RDH16: variants seen among roughly 807,000 people sequenced by gnomAD.
The protein encoded by RDH16 is retinol dehydrogenase 16.
RDH16 carries 25 observed loss-of-function variants against 22.3 expected under a neutral mutation model. The observed-to-expected ratio is 1.12, with a 90% CI of 0.82 to 1.56. The LOEUF (loss-of-function observed/expected upper bound fraction) is 1.56. Among genes scored for constraint, RDH16 ranks in the 40% most tolerant of loss-of-function variants. RDH16 has a pLI of 0.00. For synonymous variants in RDH16, 154 were observed against 164.4 expected (o/e 0.94, Z 0.48); for missense variants, 413 against 394.9 (o/e 1.05, Z -0.39).
chr12:56,952,384 A>T, intron 3 of RDH16, 138 bp from the exon 4 acceptor site: 1 of 782,398 alleles, frequency 1.3e-6, no homozygotes. Flanking sequence ...AATCTCTTTT[A>T]TCCAAATTCC....
chr12:56,956,349 T>C (rs958624165), intron 1 of RDH16, among the ~76,000 whole-genome samples: 2 of 152,198 alleles, frequency 1.3e-5, no homozygotes, highest in African/African-American at 2.4e-5. Context: ...AAAACAGTCA[T>C]TATGGTGGAA....
chr12:56,951,644 CCA>C lies in RDH16; in HGVS notation c.*383_*384del. On this transcript the variant is annotated 3_prime_UTR_variant, in exon 4 of 4. Transcript: ENST00000398138. ...ACCCCGTGGGAGGGTGTAGACTGGC[CCA>C]GAATTAACACACAGCCTGATAAGGA... 4.1e-6 allele frequency: 1 copy of C among 244,094 alleles called. No individual in the cohort carries two copies. The allele number at this position is 244,094 out of a possible 1,614,324, so 15.1% of individuals were successfully genotyped here.
At chr12:56,955,866 TCTC>T (rs1955924221) in intron 1 of RDH16, among the ~76,000 whole-genome samples, 1 of 152,074 alleles carries the variant, frequency 6.6e-6, no homozygotes, top group Non-Finnish European at 1.5e-5. Flanking sequence ...AATGTCACCC[TCTC>T]CTCCTACTGC....
At chr12:56,952,742 C>A in intron 3 of RDH16, 85 bp downstream of exon 3, 1 of 1,496,964 alleles carries the variant, frequency 6.7e-7, no homozygotes, top group Non-Finnish European at 9.0e-7. Context: ...GGGGATCAAA[C>A]TCTAATGCCC....
intron 1 of RDH16, among the ~76,000 whole-genome samples, chr12:56,956,789 T>A (rs1955932233): frequency 6.6e-6 from 1 of 152,142 alleles, no homozygotes; most frequent in African/African-American, 2.4e-5. Context: ...CGTGCACACT[T>A]GCAGCCCTGT....
rs750841071 is a variant in RDH16, at chr12:56,951,828, G to A, written c.*201C>T. The A allele has an allele frequency of 5.6e-5, 33 of 594,354 alleles. 1 individual carries two copies. Among genetic ancestry groups the A allele is most frequent in the Middle Eastern group, 9.0e-4 (2 of 2,216 alleles). The allele number at this position is 594,354 out of a possible 1,614,324, so 36.8% of individuals were successfully genotyped here. On this transcript the variant is annotated 3_prime_UTR_variant, in exon 4 of 4. Coordinates refer to ENST00000398138, the MANE Select transcript of RDH16 (RefSeq NM_003708.5). ...TATTTGGTCCCTGTTTCTCAGCTGCGTAACTTGAAACTTTCCTACCAACAT... is the reference window on the plus strand; with the variant it reads ...TATTTGGTCCCTGTTTCTCAGCTGCATAACTTGAAACTTTCCTACCAACAT...
chr12:56,954,774 G>T, intron 2 of RDH16, 132 bp downstream of exon 2: 2 of 954,856 alleles, frequency 2.1e-6, no homozygotes, highest in African/African-American at 1.6e-5. Context: ...AGATGAGGGT[G>T]TCACACATGA....
In RDH16 at chr12:56,951,470, A is replaced by C. The variant is rs1165863372; in HGVS notation, c.*559T>G. The C allele has an allele frequency of 6.2e-6, 1 of 162,412 alleles. No homozygotes were observed. Among genetic ancestry groups the C allele is most frequent in the Admixed American group, 5.7e-5 (1 of 17,544 alleles). The allele number at this position is 162,412 out of a possible 1,614,324, so 10.1% of individuals were successfully genotyped here. On this transcript the variant is annotated 3_prime_UTR_variant, in exon 4 of 4. Transcript: ENST00000398138. The stretch of plus-strand genomic sequence containing the variant: ...AAAAACTGATTTATTTGTCCTCTGC[A>C]CAGATCCTTACTTAGGACACCACCT...
At chr12:56,956,562 T>C (rs1955930118) in intron 1 of RDH16, among the ~76,000 whole-genome samples, 2 of 152,242 alleles carry the variant, frequency 1.3e-5, no homozygotes, top group South Asian at 4.1e-4. Context: ...TGTTTCTTTC[T>C]TCCTCTATAA....
At chr12:56,953,954 C>T (rs1470707913) in intron 2 of RDH16, among the ~76,000 whole-genome samples, 1 of 152,148 alleles carries the variant, frequency 6.6e-6, no homozygotes, top group African/African-American at 2.4e-5. Flanking sequence ...GGATTTTTGG[C>T]CACTTGGACA....
chr12:56,955,279 G>T, intron 1 of RDH16, 115 bp from the exon 2 acceptor site: 1 of 1,279,406 alleles, frequency 7.8e-7, no homozygotes, highest in Non-Finnish European at 1.1e-6. Flanking sequence ...GTGTGGGATG[G>T]GGAGGAGGGT....
chr12:56,952,038 C>T lies in RDH16; in HGVS notation c.945G>A (p.Lys315=), dbSNP rs1337066665. 6.8e-6 allele frequency: 11 copies of T among 1,614,016 alleles called. No homozygotes were observed. Among genetic ancestry groups the T allele is most frequent in the Non-Finnish European group, 9.3e-6 (11 of 1,179,936 alleles). ...GCATCCAACCTTAGCTTCATAGAGC[C>T]TTGGCCGGGCTTGGAGAGACCCAGT... The part of the protein sequence containing the change: ...IMYWVSPSPA[K]AL Residue 315 remains lysine, a synonymous_variant, in exon 4 of 4, where the codon AAG becomes AAA. Transcript: ENST00000398138.
At chr12:56,953,186 T>G (rs1429400899) in intron 2 of RDH16, among the ~76,000 whole-genome samples, 196 bp from the exon 3 acceptor site, 1 of 152,210 alleles carries the variant, frequency 6.6e-6, no homozygotes, top group Admixed American at 6.5e-5. Context: ...TTCCATATTT[T>G]ACACACCTGA....
Position 56,952,012 on chromosome 12 carries a change from T to C in RDH16, c.*17A>G. The C allele has an allele frequency of 6.2e-7, 1 of 1,608,664 alleles. No homozygotes were observed. Among genetic ancestry groups the C allele is most frequent in the Non-Finnish European group, 8.5e-7 (1 of 1,175,256 alleles). ...AGCACACCCCAAATCCATGCAACCA[T>C]GCATCCAACCTTAGCTTCATAGAGC... is the stretch of plus-strand genomic sequence containing the variant. On this transcript the variant is annotated 3_prime_UTR_variant, in exon 4 of 4. Coordinates refer to ENST00000398138, the MANE Select transcript of RDH16 (RefSeq NM_003708.5).
chr12:56,955,306 T>G, intron 1 of RDH16, 142 bp from the exon 2 acceptor site: 1 of 999,750 alleles, frequency 1.0e-6, no homozygotes, highest in Admixed American at 2.3e-5. Flanking sequence ...AACACCACAG[T>G]ATCACAGGGG....
intron 1 of RDH16, 39 bp downstream of exon 1, chr12:56,957,111 G>A (rs962611263): frequency 6.4e-7 from 1 of 1,569,462 alleles, no homozygotes; most frequent in Non-Finnish European, 8.7e-7. Context: ...TTCACACAGA[G>A]GGAAGACACA....
rs1395033976 is a variant in RDH16, at chr12:56,952,946, G to A, written c.617C>T (p.Pro206Leu). The change falls in exon 3 of 4, where the codon CCT (proline) becomes CTT (leucine). Residue 206 changes from proline (P) to leucine (L), a missense_variant. Coordinates refer to ENST00000398138, the MANE Select transcript of RDH16 (RefSeq NM_003708.5). ...GGTCACAGCAGTCTTGAAATAGCCA[G>A]GTTCAATCATAGCCACCTTCACCCC... Reference protein sequence around the residue: ...YFGVKVAMIEPGYFKTAVTSK... With the variant: ...YFGVKVAMIELGYFKTAVTSK... 1.2e-6 allele frequency: 2 copies of A among 1,613,888 alleles called. No individual in the cohort carries two copies. Among genetic ancestry groups the A allele is most frequent in the Non-Finnish European group, 1.7e-6 (2 of 1,179,916 alleles).
At chr12:56,954,670 C>G (rs542406446) in intron 2 of RDH16, among the ~76,000 whole-genome samples, 2 of 152,216 alleles carry the variant, frequency 1.3e-5, no homozygotes, top group African/African-American at 4.8e-5. Context: ...GAAGAGGTAT[C>G]GTTCAAGAAA....
Position 56,951,747 on chromosome 12 carries a change from C to A in RDH16, c.*282G>T, listed in dbSNP as rs1036844032. 4 of 469,428 alleles carry A rather than the reference C, an allele frequency of 8.5e-6. No homozygotes were observed. 29.1% of individuals were successfully genotyped at this position (469,428 alleles called of 1,614,324 possible). A position where few individuals can be genotyped will look rare whatever the true frequency, so the allele number is the denominator to read the frequency against. On this transcript the variant is annotated 3_prime_UTR_variant, in exon 4 of 4. Coordinates refer to ENST00000398138, the MANE Select transcript of RDH16 (RefSeq NM_003708.5). ...CCCCAGTTGTTAGCCCAAGGATGGC[C>A]CTAGAGGCTTGGACCCTTGAGTGGC...
Sources: gnomAD v4.1 joint callset for allele counts (sites outside exome capture counted in the v4.1 genomes callset) on GRCh38, gnomAD v4.1.1 for gene constraint, MANE v1.5 for transcripts, NCBI Gene and HGNC (gene_info 2026-07-23, HGNC 2026-07-21) for gene names.